Variants in CD302 observed in about 807,000 individuals in gnomAD.
CD302 encodes the protein CD302 antigen.
CD302 carries 23 observed loss-of-function variants against 26.5 expected under a neutral mutation model. That is an observed-to-expected ratio of 0.87 (90% CI 0.62 to 1.23). The LOEUF is 1.23. CD302 is among the 50% of genes most tolerant of loss of function. The probability of loss-of-function intolerance (pLI) is 0.00; values close to 1 mark genes in which losing one functional copy is unlikely to be tolerated. For synonymous variants in CD302, 90 were observed against 99.4 expected (o/e 0.91, Z 0.56); for missense variants, 290 against 275.5 (o/e 1.05, Z -0.37).
intron 1 of CD302, among the ~76,000 whole-genome samples, chr2:159,793,839 A>C (rs1708871855): frequency 6.6e-6 from 1 of 151,982 alleles, no homozygotes; most frequent in South Asian, 2.1e-4. Context: ...TTGTCCCATC[A>C]CTTCCCTCTT....
At chr2:159,794,356 C>T (rs1297441765) in intron 1 of CD302, among the ~76,000 whole-genome samples, 1 of 145,050 alleles carries the variant, frequency 6.9e-6, no homozygotes, top group East Asian at 2.0e-4. Flanking sequence ...ACTTGATATG[C>T]ACAATAAAAA....
chr2:159,786,978 T>C (rs1708683516), intron 1 of CD302, among the ~76,000 whole-genome samples: 1 of 152,246 alleles, frequency 6.6e-6, no homozygotes, highest in Non-Finnish European at 1.5e-5. Context: ...ATACATTGTG[T>C]ACTCTTTTGT....
chr2:159,775,455 C>G (rs1708284671), intron 5 of CD302, among the ~76,000 whole-genome samples: 1 of 152,070 alleles, frequency 6.6e-6, no homozygotes, highest in African/African-American at 2.4e-5. Flanking sequence ...CAAAGTAATA[C>G]ATTTACGTAG....
At position 159,780,299 on chromosome 2, in the gene CD302, G is replaced by A. The variant is rs2125800808; in HGVS notation, c.296-121C>T. Reference sequence around the variant, plus strand: ...TGTCTGGTCTAAACTTCTGATTGTAGGATTAAAATTAGAAGGAGGAATATA... The same window carrying A: ...TGTCTGGTCTAAACTTCTGATTGTAAGATTAAAATTAGAAGGAGGAATATA... On this transcript the variant is annotated intron_variant, in intron 3 of 5. Transcript: ENST00000259053. The A allele has an allele frequency of 5.7e-6, 6 of 1,045,912 alleles. No individual in the cohort carries two copies. The South Asian group carries it at 9.2e-5, about 16-fold the overall frequency. The allele number at this position is 1,045,912 out of a possible 1,614,324, so 64.8% of individuals were successfully genotyped here.
intron 3 of CD302, among the ~76,000 whole-genome samples, chr2:159,780,587 T>C (rs975051990): frequency 1.3e-5 from 2 of 152,238 alleles, no homozygotes; most frequent in Non-Finnish European, 2.9e-5. Flanking sequence ...AGTCTATCCT[T>C]AGCCTATTAG....
At chr2:159,773,713 A>G (rs1197385979) in intron 5 of CD302, among the ~76,000 whole-genome samples, 1 of 152,200 alleles carries the variant, frequency 6.6e-6, no homozygotes, top group East Asian at 1.9e-4. Context: ...GGCAACTGAT[A>G]AGCAGTGTAT....
intron 1 of CD302, among the ~76,000 whole-genome samples, chr2:159,789,011 G>GGGTAACT (rs1306703646): frequency 1.4e-5 from 2 of 142,116 alleles, no homozygotes; most frequent in Non-Finnish European, 3.1e-5. Flanking sequence ...ACTGGGGTAA[G>GGGTAACT]GGTAACTCCA....
chr2:159,775,617 A>AT (rs1274027639), intron 5 of CD302, among the ~76,000 whole-genome samples: 56 of 152,280 alleles, frequency 3.7e-4, no homozygotes, highest in African/African-American at 9.1e-4. Flanking sequence ...CCGCTGCTTG[A>AT]TTTTTTAAAA....
intron 1 of CD302, 68 bp downstream of exon 1, chr2:159,798,064 A>G (rs1289272276): frequency 3.5e-6 from 5 of 1,413,868 alleles, no homozygotes; most frequent in East Asian, 3.0e-5. Context: ...GGGGACGAAG[A>G]GCGTGCGTTG....
chr2:159,780,776 G>A, intron 3 of CD302, 106 bp downstream of exon 3: 1 of 1,016,610 alleles, frequency 9.8e-7, no homozygotes, highest in Non-Finnish European at 1.5e-6. Flanking sequence ...AACACCTGGA[G>A]GCCACAGGAA....
At chr2:159,775,892 T>C (rs904697671) in intron 5 of CD302, among the ~76,000 whole-genome samples, 3 of 50,234 alleles carry the variant, frequency 6.0e-5, no homozygotes, top group Non-Finnish European at 1.4e-4. Flanking sequence ...CTTATTTTTC[T>C]TTTTTTTTTG....
At chr2:159,774,510 G>T (rs1708253301) in intron 5 of CD302, among the ~76,000 whole-genome samples, 1 of 152,172 alleles carries the variant, frequency 6.6e-6, no homozygotes, top group African/African-American at 2.4e-5. Context: ...TCAGGTGAGA[G>T]TGCCAACTGT....
At chr2:159,780,275 G>C in intron 3 of CD302, 97 bp from the exon 4 acceptor site, 1 of 1,329,578 alleles carries the variant, frequency 7.5e-7, no homozygotes, top group Non-Finnish European at 1.0e-6. Context: ...ACTAAGGTAT[G>C]TCTGGTCTAA....
chr2:159,782,338 G>A (rs951235183), intron 2 of CD302, among the ~76,000 whole-genome samples: 8 of 147,792 alleles, frequency 5.4e-5, no homozygotes, highest in African/African-American at 2.0e-4. Flanking sequence ...GCGTGAACCC[G>A]GGAGGCGCAG....
chr2:159,791,646 G>A (rs1708810600), intron 1 of CD302, among the ~76,000 whole-genome samples: 1 of 152,172 alleles, frequency 6.6e-6, no homozygotes, highest in Non-Finnish European at 1.5e-5. Flanking sequence ...AACACTGGAA[G>A]GGATGCATAG....
chr2:159,790,169 T>TAA (rs1228486390), intron 1 of CD302, among the ~76,000 whole-genome samples: 1 of 151,962 alleles, frequency 6.6e-6, no homozygotes, highest in African/African-American at 2.4e-5. Flanking sequence ...AGAAAAAGAG[T>TAA]AAAAGTCTTC....
rs747475215 is a variant in CD302, at chr2:159,771,868, G to A, written c.682C>T (p.Pro228Ser). The A allele has an allele frequency of 5.0e-6, 8 of 1,613,824 alleles. No individual in the cohort carries two copies. The highest frequency in any genetic ancestry group is 5.9e-6 in the Non-Finnish European group (7 of 1,179,836). Reference protein sequence around the residue: ...VLVVGEENEYPVQFD With the variant: ...VLVVGEENEYSVQFD ...CCAAAAACTTAGTCAAATTGAACAG[G>A]ATATTCATTTTCTTCTCCAACTACC... The change falls in exon 6 of 6, where the codon CCT becomes TCT. Residue 228 changes from proline to serine, a missense_variant. Coordinates refer to ENST00000259053, the MANE Select transcript of CD302 (RefSeq NM_014880.5).
At chr2:159,777,793 TAA>T (rs750768787) in intron 5 of CD302, 143 bp downstream of exon 5, 175 of 397,812 alleles carry the variant, frequency 4.4e-4, no homozygotes, top group Middle Eastern at 2.0e-3. Context: ...GTCTTATTAC[TAA>T]GAGACCTTTC....
chr2:159,784,151 G>A (rs539823453), intron 1 of CD302, among the ~76,000 whole-genome samples: 26 of 152,090 alleles, frequency 1.7e-4, no homozygotes, highest in African/African-American at 6.0e-4. Flanking sequence ...AATTTAATTG[G>A]TTAGTATTAA....
Sources: allele counts gnomAD v4.1 joint callset (sites outside exome capture counted in the v4.1 genomes callset), GRCh38; gene constraint gnomAD v4.1.1; transcripts MANE v1.5; gene names NCBI Gene and HGNC (gene_info 2026-07-23, HGNC 2026-07-21).